The following KATNIP variants were observed in gnomAD, a reference collection of about 807,000 sequenced individuals.
KATNIP encodes the protein katanin interacting protein.
A neutral mutation model predicts 174.0 loss-of-function variants in KATNIP; 126 were observed. That is an observed-to-expected ratio of 0.72 (90% CI 0.63 to 0.84). The LOEUF is 0.84. Among genes scored for constraint, KATNIP ranks in the 40% least tolerant of loss-of-function variants. KATNIP has a pLI of 0.00. For synonymous variants in KATNIP, 810 were observed against 835.7 expected (o/e 0.97, Z 0.53); for missense variants, 1,958 against 2,109.7 (o/e 0.93, Z 1.41).
intron 18 of KATNIP, among the ~76,000 whole-genome samples, chr16:27,759,200 G>A (rs968982429): frequency 1.3e-5 from 2 of 152,190 alleles, no homozygotes; most frequent in Admixed American, 6.5e-5. Context: ...TGGCCTCAGG[G>A]AACTTCCGTC....
rs569204196 is a variant in KATNIP at position 27,656,749 on chromosome 16, T to A, written c.540+8014T>A. ...GTGGGAATTGAACAATGAGATCACA[T>A]GGACACAGGAAGGGGAATATCACAC... is the stretch of plus-strand genomic sequence containing the variant. On this transcript the variant is annotated intron_variant, in intron 6 of 27. Transcript: ENST00000261588. 5.5e-5 allele frequency among the ~76,000 whole-genome samples: 7 copies of A among 126,232 alleles called. No homozygotes were observed. The South Asian group carries it at 1.8e-3, about 32-fold the overall frequency. The allele number at this position is 126,232 out of a possible 152,430, so 82.8% of individuals were successfully genotyped here.
At chr16:27,672,842 C>T (rs931031107) in intron 6 of KATNIP, among the ~76,000 whole-genome samples, 2 of 152,176 alleles carry the variant, frequency 1.3e-5, no homozygotes, top group Non-Finnish European at 1.5e-5. Context: ...GAGGAAGTCT[C>T]CTCAACTGAC....
In KATNIP at chr16:27,766,444, C is replaced by T. The variant is rs1212447971; in HGVS notation, c.3945C>T (p.Tyr1315=). 2.5e-6 allele frequency: 4 copies of T among 1,613,776 alleles called. No individual in the cohort carries two copies. Among genetic ancestry groups the T allele is most frequent in the South Asian group, 2.2e-5 (2 of 91,080 alleles). Residue 1315 remains tyrosine (Y), a synonymous_variant, in exon 20 of 28, where the codon TAC becomes TAT. Coordinates refer to ENST00000261588, the MANE Select transcript of KATNIP (RefSeq NM_015202.5). The part of the protein sequence containing the change: ...ESIAGLRFWN[Y]NKSPEDTYRG... ...TCGCAGGCCTGCGCTTCTGGAACTA[C>T]AATAAATCTCCCGAGGACACCTATC...
chr16:27,774,911 G>C, intron 23 of KATNIP, 34 bp from the exon 24 acceptor site: 1 of 1,613,346 alleles, frequency 6.2e-7, no homozygotes, highest in Non-Finnish European at 8.5e-7. Flanking sequence ...CGAGCACACA[G>C]ATTTGGGTTA....
chr16:27,618,618 A>G, intron 3 of KATNIP, 117 bp downstream of exon 3: 11 of 677,500 alleles, frequency 1.6e-5, no homozygotes, highest in Non-Finnish European at 2.9e-5. Context: ...GTCCCCCTCC[A>G]CTCAGAGGCT....
chr16:27,765,107 A>C (rs2082077689), intron 19 of KATNIP, among the ~76,000 whole-genome samples: 1 of 152,146 alleles, frequency 6.6e-6, no homozygotes, highest in Non-Finnish European at 1.5e-5. Context: ...CCAGGAATCC[A>C]GGGTGTGGAG....
chr16:27,762,903 C>T (rs2082001835), intron 19 of KATNIP, among the ~76,000 whole-genome samples: 1 of 152,242 alleles, frequency 6.6e-6, no homozygotes, highest in South Asian at 2.1e-4. Flanking sequence ...CACCACCCAC[C>T]TGCCAGATTA....
intron 8 of KATNIP, among the ~76,000 whole-genome samples, chr16:27,690,140 A>AAAT (rs140608906): frequency 6.8e-4 from 103 of 151,472 alleles, no homozygotes; most frequent in East Asian, 1.2e-3. Context: ...TCATCTCTAC[A>AAAT]AATAATAATA....
chr16:27,637,046 C>T lies in KATNIP; in HGVS notation c.408+5884C>T, dbSNP rs1019901423. Among the ~76,000 whole-genome samples the T allele has an allele frequency of 2.6e-5, 4 of 152,216 alleles. No homozygotes were observed. The highest frequency in any genetic ancestry group is 9.6e-5 in the African/African-American group (4 of 41,456). Reference sequence around the variant, plus strand: ...CGCTTAACCCCTTGGTGCCTGCGCTCTCATTTGTCATGTGAGGTTGGTAAT... The same window carrying T: ...CGCTTAACCCCTTGGTGCCTGCGCTTTCATTTGTCATGTGAGGTTGGTAAT... On this transcript the variant is annotated intron_variant, in intron 5 of 27. Coordinates refer to ENST00000261588, the MANE Select transcript of KATNIP (RefSeq NM_015202.5). The surrounding 1 kb of genome is among the most constrained non-coding windows in gnomAD (Gnocchi z 4.7).
At chr16:27,619,275 C>T (rs539798360) in intron 3 of KATNIP, among the ~76,000 whole-genome samples, 2 of 152,340 alleles carry the variant, frequency 1.3e-5, no homozygotes. Context: ...ACAGTTCCCC[C>T]AGGTCCTGAT....
At chr16:27,678,035 G>A (rs1567290661) in intron 7 of KATNIP, 39 bp downstream of exon 7, 2 of 1,599,982 alleles carry the variant, frequency 1.3e-6, no homozygotes, top group Non-Finnish European at 1.7e-6. Flanking sequence ...TGCCATTGGT[G>A]TCTCTGCATC....
At chr16:27,620,153 CAATT>C (rs1345383636) in intron 3 of KATNIP, among the ~76,000 whole-genome samples, 1 of 152,126 alleles carries the variant, frequency 6.6e-6, no homozygotes, top group Non-Finnish European at 1.5e-5. Flanking sequence ...AGCACAAAGA[CAATT>C]AAAAGCTATA....
intron 15 of KATNIP, 58 bp from the exon 16 acceptor site, chr16:27,749,526 C>T: frequency 1.3e-6 from 2 of 1,503,952 alleles, no homozygotes; most frequent in South Asian, 1.4e-5. Flanking sequence ...CTCTAATGGT[C>T]CCCACTTCCA....
At position 27,740,852 on chromosome 16, in the gene KATNIP, G is replaced by A. The variant is rs762117058; in HGVS notation, c.2555G>A (p.Ser852Asn). 28 of 1,611,696 alleles carry A rather than the reference G, an allele frequency of 1.7e-5. No homozygotes were observed. The highest frequency in any genetic ancestry group is 2.4e-5 in the Non-Finnish European group (28 of 1,178,962). ...NQPPNRERPA[S>N]GRRGSRKDAG... The stretch of plus-strand genomic sequence containing the variant: ...CCCCCCAACAGAGAGCGCCCTGCTA[G>A]TGGGAGGAGGGGCTCAAGGAAGGAT... Residue 852 changes from serine to asparagine, a missense_variant, in exon 15 of 28, where the codon AGT becomes AAT. Coordinates refer to ENST00000261588, the MANE Select transcript of KATNIP (RefSeq NM_015202.5).
chr16:27,629,850 CA>C (rs1454235932), intron 4 of KATNIP, among the ~76,000 whole-genome samples: 1 of 152,018 alleles, frequency 6.6e-6, no homozygotes, highest in East Asian at 1.9e-4. Context: ...CCTGTATCTG[CA>C]AAAAATACAA....
At chr16:27,722,771 G>A (rs535339830) in intron 14 of KATNIP, among the ~76,000 whole-genome samples, 1 of 152,366 alleles carries the variant, frequency 6.6e-6, no homozygotes, top group African/African-American at 2.4e-5. Flanking sequence ...ACTAAGGGTT[G>A]CTTTGTAGAA....
chr16:27,687,630 T>C (rs988751795), intron 8 of KATNIP: 4 of 152,218 alleles, frequency 2.6e-5, no homozygotes, highest in Admixed American at 2.6e-4. Context: ...GAAAAGCTAA[T>C]ATAATCTCCT....
In KATNIP at chr16:27,557,035, C is replaced by T. The variant is rs542956937; in HGVS notation, c.7+6858C>T. On this transcript the variant is annotated intron_variant, in intron 1 of 27. Coordinates refer to ENST00000261588, the MANE Select transcript of KATNIP (RefSeq NM_015202.5). ...CATTCCATGATTCAACATTTCAGTG[C>T]CTTCCGTGCATTGGAATTCAGAGAT... 2.6e-5 allele frequency among the ~76,000 whole-genome samples: 4 copies of T among 152,250 alleles called. No homozygotes were observed. The East Asian group carries it at 7.7e-4, about 29-fold the overall frequency.
chr16:27,581,813 G>A (rs2090710351), intron 2 of KATNIP, among the ~76,000 whole-genome samples: 1 of 151,992 alleles, frequency 6.6e-6, no homozygotes, highest in Non-Finnish European at 1.5e-5. Context: ...TCATAGCTTA[G>A]CTCCCACTTG....
Sources: gnomAD v4.1 joint callset for allele counts (sites outside exome capture counted in the v4.1 genomes callset) on GRCh38, gnomAD v4.1.1 for gene constraint, Gnocchi (gnomAD v3.1) non-coding constraint, MANE v1.5 for transcripts, NCBI Gene and HGNC (gene_info 2026-07-23, HGNC 2026-07-21) for gene names.